Variants in MALRD1 observed in about 807,000 individuals in gnomAD.
MALRD1 encodes the protein MAM and LDL receptor class A domain containing 1, also known as MAM and LDL-receptor class A domain-containing protein 1.
MALRD1 carries 247 observed loss-of-function variants against 242.1 expected under a neutral mutation model. The ratio of observed to expected loss-of-function variants is 1.02; its 90% CI spans 0.92 to 1.13. MALRD1 has a LOEUF of 1.13. Among genes scored for constraint, MALRD1 ranks in the 50% most tolerant of loss-of-function variants. MALRD1 has a pLI of 0.00. For synonymous variants in MALRD1, 995 were observed against 866.6 expected, an observed-to-expected ratio of 1.15 and a Z score of -2.60; for missense variants, 2,989 against 2,533.1, an observed-to-expected ratio of 1.18 and a Z score of -3.86.
intron 31 of MALRD1, among the ~76,000 whole-genome samples, chr10:19,505,516 C>G (rs1240270076): frequency 6.6e-6 from 1 of 152,188 alleles, no homozygotes; most frequent in African/African-American, 2.4e-5. Flanking sequence ...ATCAGATCTC[C>G]TGGCACCTTG....
intron 18 of MALRD1, among the ~76,000 whole-genome samples, chr10:19,239,980 G>T (rs1451365081): frequency 6.6e-6 from 1 of 151,948 alleles, no homozygotes; most frequent in Non-Finnish European, 1.5e-5. Context: ...TGGTTATTTG[G>T]GGCCTTTTCT....
At chr10:19,445,917 A>T (rs1173898869) in intron 28 of MALRD1, among the ~76,000 whole-genome samples, 1 of 152,192 alleles carries the variant, frequency 6.6e-6, no homozygotes, top group African/African-American at 2.4e-5. Flanking sequence ...AGAGGCAGGT[A>T]GGCCTCCTTG....
chr10:19,524,000 A>G (rs2131325097), intron 31 of MALRD1, among the ~76,000 whole-genome samples: 1 of 152,344 alleles, frequency 6.6e-6, no homozygotes, highest in South Asian at 2.1e-4. Context: ...CATTTAAAAG[A>G]AATAGTCATT....
chr10:19,688,306 G>A (rs997095310), intron 36 of MALRD1, among the ~76,000 whole-genome samples: 2 of 152,002 alleles, frequency 1.3e-5, no homozygotes, highest in Non-Finnish European at 2.9e-5. Flanking sequence ...GTCTTGCTCT[G>A]TCACCCATGT....
At chr10:19,358,227 T>TGA in intron 26 of MALRD1, among the ~76,000 whole-genome samples, 1 of 151,608 alleles carries the variant, frequency 6.6e-6, no homozygotes, top group Non-Finnish European at 1.5e-5. Context: ...TGTGTGTGTG[T>TGA]GTGTATGAGT....
chr10:19,176,885 T>C (rs1276578837), intron 14 of MALRD1, among the ~76,000 whole-genome samples: 1 of 148,708 alleles, frequency 6.7e-6, no homozygotes, highest in East Asian at 2.0e-4. Flanking sequence ...TGTGTGTGTG[T>C]GTGCATGGGT....
intron 20 of MALRD1, 37 bp downstream of exon 20, chr10:19,280,260 C>A (rs760648234): frequency 1.1e-5 from 15 of 1,402,876 alleles, no homozygotes; most frequent in African/African-American, 1.5e-5. Context: ...AATACTGCTA[C>A]AAAATAGAAA....
At chr10:19,520,015 T>C (rs1833806962) in intron 31 of MALRD1, among the ~76,000 whole-genome samples, 1 of 152,170 alleles carries the variant, frequency 6.6e-6, no homozygotes, top group Non-Finnish European at 1.5e-5. Flanking sequence ...TGACCCTTTG[T>C]AGCTACTATT....
At chr10:19,133,818 T>C (rs1833212886) in intron 8 of MALRD1, 38 bp from the exon 9 acceptor site, 3 of 927,740 alleles carry the variant, frequency 3.2e-6, no homozygotes, top group Non-Finnish European at 4.2e-6. Context: ...AAGATTAGAA[T>C]ACGGGTAATG....
chr10:19,277,740 C>G (rs1840601266), intron 19 of MALRD1, among the ~76,000 whole-genome samples: 1 of 152,142 alleles, frequency 6.6e-6, no homozygotes, highest in East Asian at 1.9e-4. Flanking sequence ...AATCTTAGGT[C>G]TTAATTGCCT....
At chr10:19,646,815 G>A (rs1840680899) in intron 36 of MALRD1, among the ~76,000 whole-genome samples, 1 of 152,094 alleles carries the variant, frequency 6.6e-6, no homozygotes, top group Admixed American at 6.5e-5. Flanking sequence ...TTGAATGAGA[G>A]ATAACACATG....
At chr10:19,564,378 T>C (rs1836163060) in intron 32 of MALRD1, among the ~76,000 whole-genome samples, 1 of 152,130 alleles carries the variant, frequency 6.6e-6, no homozygotes, top group South Asian at 2.1e-4. Flanking sequence ...TCTCTTTAAG[T>C]TTTTAATGTT....
At chr10:19,532,340 C>G (rs1240232557) in intron 32 of MALRD1, among the ~76,000 whole-genome samples, 1 of 152,108 alleles carries the variant, frequency 6.6e-6, no homozygotes, top group Admixed American at 6.6e-5. Context: ...CTGGAACCTC[C>G]GCCTCCCAGG....
intron 32 of MALRD1, among the ~76,000 whole-genome samples, chr10:19,548,685 G>T (rs915221301): frequency 6.6e-6 from 1 of 152,174 alleles, no homozygotes; most frequent in Non-Finnish European, 1.5e-5. Context: ...AATACTGTGT[G>T]TGTTCTGACT....
intron 18 of MALRD1, among the ~76,000 whole-genome samples, chr10:19,244,823 A>G (rs1330551384): frequency 6.6e-6 from 1 of 152,190 alleles, no homozygotes; most frequent in Non-Finnish European, 1.5e-5. Context: ...CTAATTCTGT[A>G]TTTGGTCTCT....
chr10:19,692,985 C>G (rs1833172892), intron 38 of MALRD1, among the ~76,000 whole-genome samples: 1 of 151,330 alleles, frequency 6.6e-6, no homozygotes, highest in Non-Finnish European at 1.5e-5. Flanking sequence ...ACATGATTAT[C>G]TCAATAGATA....
intron 33 of MALRD1, among the ~76,000 whole-genome samples, chr10:19,580,928 C>G (rs1173787902): frequency 6.6e-6 from 1 of 151,212 alleles, no homozygotes; most frequent in African/African-American, 2.4e-5. Flanking sequence ...AGTCTTTAGT[C>G]AAATAGAGGT....
At chr10:19,666,178 G>T (rs555570817) in intron 36 of MALRD1, among the ~76,000 whole-genome samples, 5 of 152,120 alleles carry the variant, frequency 3.3e-5, no homozygotes. Context: ...TTATTGATTT[G>T]TATCTTTTAC....
intron 24 of MALRD1, among the ~76,000 whole-genome samples, chr10:19,337,508 G>C (rs995154192): frequency 6.6e-6 from 1 of 152,140 alleles, no homozygotes; most frequent in Non-Finnish European, 1.5e-5. Flanking sequence ...GAATGATGTT[G>C]AACATCTTTT....
Sources: gnomAD v4.1 joint callset for allele counts (sites outside exome capture counted in the v4.1 genomes callset) on GRCh38, gnomAD v4.1.1 for gene constraint, MANE v1.5 for transcripts, NCBI Gene and HGNC (gene_info 2026-07-23, HGNC 2026-07-21) for gene names.